The following SNTN variants were observed in gnomAD, a reference collection of about 807,000 sequenced individuals.
SNTN encodes the protein sentan.
In SNTN, 13 loss-of-function variants were observed where a neutral mutation model predicts 12.3. The observed-to-expected ratio is 1.05, with a 90% confidence interval of 0.69 to 1.67. The LOEUF (loss-of-function observed/expected upper bound fraction) is 1.67, where lower values mean the gene tolerates loss of function less well. SNTN is among the 40% of genes most tolerant of loss of function. The probability of loss-of-function intolerance (pLI) is 0.00; values close to 1 mark genes in which losing one functional copy is unlikely to be tolerated. For synonymous variants in SNTN, 69 were observed against 58.5 expected (o/e 1.18, Z -0.82); for missense variants, 189 against 169.8 (o/e 1.11, Z -0.63).
intron 2 of SNTN, among the ~76,000 whole-genome samples, chr3:63,658,475 A>G (rs1463282075): frequency 6.6e-6 from 1 of 151,346 alleles, no homozygotes; most frequent in African/African-American, 2.4e-5. Flanking sequence ...GAAAAAATAA[A>G]TACATGTGTA....
At position 63,652,891 on chromosome 3, in the gene SNTN, A is replaced by G. The variant is rs980328181; in HGVS notation, c.110+94A>G. ...TGTCAACAGCTTTATAAGCCAAGTT[A>G]TTGCCAGTTTGGTGCCTATTACCTA... On this transcript the variant is annotated intron_variant, in intron 1 of 3. Transcript: ENST00000343837. 105 of 1,215,444 alleles carry G rather than the reference A, an allele frequency of 8.6e-5. 1 individual carries two copies. In the Admixed American group the frequency reaches 9.8e-4, roughly 11 times the overall value. The allele number at this position is 1,215,444 out of a possible 1,614,324, so 75.3% of individuals were successfully genotyped here.
intron 3 of SNTN, among the ~76,000 whole-genome samples, chr3:63,663,144 A>G (rs983461665): frequency 2.0e-5 from 3 of 152,208 alleles, no homozygotes; most frequent in Non-Finnish European, 4.4e-5. Context: ...TTAAAAACAT[A>G]ATATGTGTGT....
At chr3:63,661,445 G>C (rs796274440) in intron 3 of SNTN, among the ~76,000 whole-genome samples, 18 of 152,172 alleles carry the variant, frequency 1.2e-4, no homozygotes, top group African/African-American at 4.3e-4. Flanking sequence ...GTCACCCACT[G>C]GGGGGAGCTA....
In SNTN at chr3:63,652,833, T is replaced by C. The variant is rs1225142003; in HGVS notation, c.110+36T>C. 3 of 1,580,096 alleles carry C rather than the reference T, an allele frequency of 1.9e-6. No individual in the cohort carries two copies. The East Asian group carries it at 6.7e-5, about 35-fold the overall frequency. The stretch of plus-strand genomic sequence containing the variant: ...CTTGGCTGTCTTTTATTGAGTTTCA[T>C]TTAAGCTTGCAGATATATTTCCAAA... On this transcript the variant is annotated intron_variant, in intron 1 of 3. Transcript: ENST00000343837.
At chr3:63,654,672 A>G in intron 1 of SNTN, 90 bp from the exon 2 acceptor site, 1 of 1,192,806 alleles carries the variant, frequency 8.4e-7, no homozygotes, top group Non-Finnish European at 1.2e-6. Context: ...AAAATAAACA[A>G]TTTTTAAATC....
chr3:63,653,813 C>G (rs1292960936), intron 1 of SNTN, among the ~76,000 whole-genome samples: 2 of 152,164 alleles, frequency 1.3e-5, no homozygotes. Flanking sequence ...TCCTGTTGCC[C>G]TTAGGATAAT....
At chr3:63,658,401 AATAT>A (rs58847521) in intron 2 of SNTN, among the ~76,000 whole-genome samples, 1 of 123,146 alleles carries the variant, frequency 8.1e-6, no homozygotes, top group Non-Finnish European at 1.8e-5. Context: ...ACAAGTTGTA[AATAT>A]ATATATATAT....
chr3:63,657,100 T>A (rs1223759778), intron 2 of SNTN, among the ~76,000 whole-genome samples: 1 of 152,206 alleles, frequency 6.6e-6, no homozygotes, highest in East Asian at 1.9e-4. Context: ...GTTCTTTTGA[T>A]GTTGCTCACT....
chr3:63,652,822 A>C, intron 1 of SNTN, 25 bp downstream of exon 1: 1 of 1,589,878 alleles, frequency 6.3e-7, no homozygotes, highest in Non-Finnish European at 8.6e-7. Context: ...GCTGTCTTTT[A>C]TTGAGTTTCA....
intron 1 of SNTN, 131 bp downstream of exon 1, chr3:63,652,928 C>T (rs1575748299): frequency 2.8e-6 from 2 of 714,074 alleles, no homozygotes; most frequent in East Asian, 2.8e-5. Flanking sequence ...CCTAATCCGG[C>T]TTTAAATTGA....
intron 2 of SNTN, among the ~76,000 whole-genome samples, chr3:63,656,270 A>G (rs1056922980): frequency 7.9e-5 from 12 of 152,176 alleles, no homozygotes; most frequent in Non-Finnish European, 1.6e-4. Context: ...CTGAAGTTCA[A>G]AACAGCCCAG....
At chr3:63,663,912 G>A (rs370325438) in intron 3 of SNTN, 25 bp from the exon 4 acceptor site, 34 of 1,605,392 alleles carry the variant, frequency 2.1e-5, no homozygotes, top group South Asian at 6.7e-5. Context: ...CAACGAATTC[G>A]GTTTTTATTT....
chr3:63,664,217 A>G lies in SNTN; in HGVS notation c.*122A>G, dbSNP rs1700776971. On this transcript the variant is annotated 3_prime_UTR_variant, in exon 4 of 4. Coordinates refer to ENST00000343837, the MANE Select transcript of SNTN (RefSeq NM_001080537.2). Reference sequence around the variant, plus strand: ...TCTGAAATTGCCTAGGATGGTTCTGATTGCTGGTATTCAGATCCAATGTAA... The same window carrying G: ...TCTGAAATTGCCTAGGATGGTTCTGGTTGCTGGTATTCAGATCCAATGTAA... The G allele has an allele frequency of 1.1e-6, 1 of 925,378 alleles. No individual in the cohort carries two copies. The highest frequency in any genetic ancestry group is 1.7e-5 in the African/African-American group (1 of 59,492). The allele number at this position is 925,378 out of a possible 1,614,324, so 57.3% of individuals were successfully genotyped here.
chr3:63,653,798 G>A (rs1700646578), intron 1 of SNTN, among the ~76,000 whole-genome samples: 1 of 152,202 alleles, frequency 6.6e-6, no homozygotes, highest in African/African-American at 2.4e-5. Flanking sequence ...ATCTGATCAT[G>A]TGATTCCTGT....
chr3:63,660,571 G>A (rs1700733211), intron 3 of SNTN, among the ~76,000 whole-genome samples: 3 of 152,152 alleles, frequency 2.0e-5, no homozygotes. Context: ...ACGTTTAGAA[G>A]GTGGAATGAA....
intron 1 of SNTN, 88 bp downstream of exon 1, chr3:63,652,885 C>A: frequency 8.1e-7 from 1 of 1,241,512 alleles, no homozygotes; most frequent in Non-Finnish European, 1.2e-6. Context: ...CTTTATAAGC[C>A]AAGTTATTGC....
At chr3:63,654,650 A>T in intron 1 of SNTN, 112 bp from the exon 2 acceptor site, 3 of 920,112 alleles carry the variant, frequency 3.3e-6, no homozygotes, top group Non-Finnish European at 3.3e-6. Context: ...AAAATCTCAG[A>T]GAATGTTTAC....
intron 3 of SNTN, among the ~76,000 whole-genome samples, chr3:63,661,826 G>A (rs1462986246): frequency 2.6e-5 from 4 of 152,044 alleles, no homozygotes; most frequent in African/African-American, 9.7e-5. Flanking sequence ...CAGAAAGGGG[G>A]CTCATTACCT....
intron 1 of SNTN, among the ~76,000 whole-genome samples, chr3:63,654,126 C>T (rs368972657): frequency 6.6e-6 from 1 of 152,174 alleles, no homozygotes; most frequent in African/African-American, 2.4e-5. Context: ...ATCGAGTTAC[C>T]TGCCTAGTAA....
Sources: allele counts gnomAD v4.1 joint callset (sites outside exome capture counted in the v4.1 genomes callset), GRCh38; gene constraint gnomAD v4.1.1; transcripts MANE v1.5; gene names NCBI Gene and HGNC (gene_info 2026-07-23, HGNC 2026-07-21).